Variants in BICC1 observed in about 807,000 individuals in gnomAD.
BICC1 encodes the protein BicC family RNA binding protein 1.
BICC1 carries 43 observed loss-of-function variants against 111.0 expected under a neutral mutation model. The observed-to-expected ratio is 0.39, with a 90% CI of 0.30 to 0.50. The LOEUF (loss-of-function observed/expected upper bound fraction) is 0.50. Ranked by LOEUF, BICC1 falls within the 20% of genes least tolerant of loss-of-function variation. BICC1 has a pLI of 0.88. For missense variants in BICC1, 1,091 were observed against 1,203.2 expected (o/e 0.91, Z 1.38); for synonymous variants, 467 against 434.4 (o/e 1.07, Z -0.93).
chr10:58,770,230 A>G (rs1288051306), intron 3 of BICC1, among the ~76,000 whole-genome samples: 2 of 152,116 alleles, frequency 1.3e-5, no homozygotes, highest in African/African-American at 4.8e-5. Context: ...ATTAGTCTTC[A>G]TTGATTTTTC....
chr10:58,646,313 A>G (rs544178588), intron 2 of BICC1, among the ~76,000 whole-genome samples: 6 of 152,204 alleles, frequency 3.9e-5, no homozygotes, highest in African/African-American at 7.2e-5. Context: ...TTCCTTCCAC[A>G]TAGAGTAAGC....
At chr10:58,558,105 T>C (rs1432669382) in intron 1 of BICC1, among the ~76,000 whole-genome samples, 1 of 152,132 alleles carries the variant, frequency 6.6e-6, no homozygotes, top group Non-Finnish European at 1.5e-5. Context: ...TGATATCCTG[T>C]TAATTATAAG....
In BICC1 at chr10:58,787,047, C is replaced by G; in HGVS notation, c.512C>G (p.Ser171Cys). 6.3e-7 allele frequency: 1 copy of G among 1,595,638 alleles called. No individual in the cohort carries two copies. The highest frequency in any genetic ancestry group is 1.1e-5 in the South Asian group (1 of 87,588). The change falls in exon 5 of 21, where the codon TCC (serine) becomes TGC (cysteine). Residue 171 changes from serine (S) to cysteine (C), a missense_variant. Transcript: ENST00000373886. ...ETGCHIHFPDSNRNNQAEKSN... is the reference protein window; with the variant it reads ...ETGCHIHFPDCNRNNQAEKSN... ...GGATGCCATATCCACTTTCCAGATT[C>G]CAACAGGAATAACCAAGCAGAAAAA...
chr10:58,665,064 A>G (rs913339670), intron 2 of BICC1, among the ~76,000 whole-genome samples: 2 of 152,030 alleles, frequency 1.3e-5, no homozygotes, highest in Non-Finnish European at 2.9e-5. Flanking sequence ...GGTCTGTGTT[A>G]TTGCCACTTC....
At chr10:58,582,183 G>A (rs974732003) in intron 1 of BICC1, among the ~76,000 whole-genome samples, 1 of 152,064 alleles carries the variant, frequency 6.6e-6, no homozygotes, top group African/African-American at 2.4e-5. Flanking sequence ...GGTTTTAGTG[G>A]ATGTTAGGTT....
At chr10:58,603,552 G>A (rs375951619) in intron 1 of BICC1, among the ~76,000 whole-genome samples, 4 of 152,244 alleles carry the variant, frequency 2.6e-5, no homozygotes, top group African/African-American at 7.2e-5. Flanking sequence ...ACTGTAGAGC[G>A]TAATAGTTGA....
chr10:58,819,024 A>G (rs1844178987), intron 19 of BICC1, among the ~76,000 whole-genome samples: 2 of 152,174 alleles, frequency 1.3e-5, no homozygotes, highest in African/African-American at 4.8e-5. Context: ...TTAATGTAAT[A>G]TTTTATTAAC....
chr10:58,745,602 G>GCCCCCCCCCCCCC (rs35346412), intron 3 of BICC1, among the ~76,000 whole-genome samples: 2 of 78,696 alleles, frequency 2.5e-5, no homozygotes, highest in African/African-American at 1.1e-4. Flanking sequence ...GCCCCCCACC[G>GCCCCCCCCCCCCC]CCCCCCCCCC....
chr10:58,766,103 G>A (rs893037990), intron 3 of BICC1, among the ~76,000 whole-genome samples: 2 of 152,174 alleles, frequency 1.3e-5, no homozygotes, highest in Admixed American at 1.3e-4. Context: ...GCCTCCTGCT[G>A]ATTCGAAGGT....
chr10:58,804,945 C>T (rs1012652447), intron 15 of BICC1, among the ~76,000 whole-genome samples: 2 of 152,112 alleles, frequency 1.3e-5, no homozygotes, highest in Non-Finnish European at 2.9e-5. Context: ...TCTTTTTATG[C>T]TTATCTCAGT....
chr10:58,703,151 T>G (rs1200454431), intron 3 of BICC1, among the ~76,000 whole-genome samples: 1 of 145,166 alleles, frequency 6.9e-6, no homozygotes, highest in East Asian at 2.1e-4. Flanking sequence ...CTGTAGAAAC[T>G]CCTATCTTGC....
chr10:58,578,901 C>G (rs549045163), intron 1 of BICC1, among the ~76,000 whole-genome samples: 4 of 152,184 alleles, frequency 2.6e-5, no homozygotes, highest in African/African-American at 7.2e-5. Context: ...CCTCACCTCT[C>G]GTACACATAA....
At chr10:58,773,220 A>G (rs1447534941) in intron 3 of BICC1, among the ~76,000 whole-genome samples, 6 of 152,190 alleles carry the variant, frequency 3.9e-5, no homozygotes, top group Non-Finnish European at 5.9e-5. Flanking sequence ...TTTTTAACCT[A>G]TCTAACGTAT....
At chr10:58,585,484 A>G (rs893613817) in intron 1 of BICC1, among the ~76,000 whole-genome samples, 1 of 152,184 alleles carries the variant, frequency 6.6e-6, no homozygotes, top group Non-Finnish European at 1.5e-5. Flanking sequence ...AAAAAGATCA[A>G]TGCTTATATT....
rs907190518 is a variant in BICC1 at position 58,829,177 on chromosome 10, CAT to C, written c.*289_*290del. On this transcript the variant is annotated 3_prime_UTR_variant, in exon 21 of 21. Transcript: ENST00000373886. The stretch of plus-strand genomic sequence containing the variant: ...TTCCTGTTTTTATTTACCTATATAA[CAT>C]ATGCACTGATGATTTTTTTTTTTTT... 5.2e-4 allele frequency: 68 copies of C among 130,576 alleles called. No homozygotes were observed. Among genetic ancestry groups the C allele is most frequent in the Non-Finnish European group, 3.4e-4 (23 of 67,400 alleles). 8.1% of individuals were successfully genotyped at this position (130,576 alleles called of 1,614,324 possible). A position where few individuals can be genotyped will look rare whatever the true frequency, so the allele number is the denominator to read the frequency against.
chr10:58,553,648 A>G (rs1024757880), intron 1 of BICC1, among the ~76,000 whole-genome samples: 1 of 152,188 alleles, frequency 6.6e-6, no homozygotes, highest in African/African-American at 2.4e-5. Context: ...ACACCATGCA[A>G]GTTAATTTTA....
At chr10:58,576,505 T>C (rs1235326302) in intron 1 of BICC1, among the ~76,000 whole-genome samples, 1 of 152,222 alleles carries the variant, frequency 6.6e-6, no homozygotes, top group Admixed American at 6.5e-5. Flanking sequence ...TGAATAGCAC[T>C]GATGCCCATT....
At chr10:58,615,354 T>G (rs1276293958) in intron 1 of BICC1, among the ~76,000 whole-genome samples, 1 of 152,180 alleles carries the variant, frequency 6.6e-6, no homozygotes, top group Non-Finnish European at 1.5e-5. Context: ...CAGTCAAGAA[T>G]ACGTCGAGGC....
intron 3 of BICC1, among the ~76,000 whole-genome samples, chr10:58,728,677 G>A (rs1277524639): frequency 2.0e-5 from 3 of 150,690 alleles, no homozygotes; most frequent in Non-Finnish European, 4.4e-5. Context: ...AACTGTGTCA[G>A]CTATAGTCTT....
Sources: allele counts gnomAD v4.1 joint callset (sites outside exome capture counted in the v4.1 genomes callset), GRCh38; gene constraint gnomAD v4.1.1; transcripts MANE v1.5; gene names NCBI Gene and HGNC (gene_info 2026-07-23, HGNC 2026-07-21).